Variants in ADORA1 observed in about 807,000 individuals in gnomAD.
ADORA1 encodes adenosine receptor A1.
In ADORA1, 6 loss-of-function variants were observed where a neutral mutation model predicts 19.9. The observed-to-expected ratio is 0.30, with a 90% CI of 0.17 to 0.59. The LOEUF is 0.59. Ranked by LOEUF, ADORA1 falls within the 20% of genes least tolerant of loss-of-function variation. The pLI is 0.87. For missense variants in ADORA1, 302 were observed against 439.2 expected (o/e 0.69, Z 2.79); for synonymous variants, 194 against 188.4 (o/e 1.03, Z -0.24).
chr1:203,148,562 G>A (rs1654933163), intron 3 of ADORA1, among the ~76,000 whole-genome samples: 1 of 152,204 alleles, frequency 6.6e-6, no homozygotes, highest in Non-Finnish European at 1.5e-5. Flanking sequence ...TTGTCACCCT[G>A]AGCCTTGGCC....
At chr1:203,146,539 G>A (rs1320595095) in intron 3 of ADORA1, among the ~76,000 whole-genome samples, 1 of 151,866 alleles carries the variant, frequency 6.6e-6, no homozygotes, top group African/African-American at 2.4e-5. Flanking sequence ...TGAGGCAGGA[G>A]GATCGCCTGA....
Position 203,129,164 on chromosome 1 carries a change from G to C in ADORA1, c.323G>C (p.Arg108Pro). ...LLAIAVDRYL[R>P]VKIPLRYKMV... The stretch of plus-strand genomic sequence containing the variant: ...GCAATTGCTGTGGACCGCTACCTCC[G>C]GGTCAAGATCCCTCTCCGGTGAGTC... The change falls in exon 3 of 4, where the codon CGG becomes CCG. Residue 108 changes from arginine to proline, a missense_variant. Coordinates refer to ENST00000337894, the MANE Select transcript of ADORA1 (RefSeq NM_000674.3). 6.2e-7 allele frequency: 1 copy of C among 1,612,016 alleles called. No homozygotes were observed. Among genetic ancestry groups the C allele is most frequent in the Non-Finnish European group, 8.5e-7 (1 of 1,178,842 alleles).
intron 3 of ADORA1, among the ~76,000 whole-genome samples, chr1:203,156,849 T>G (rs1055633069): frequency 6.6e-6 from 1 of 152,212 alleles, no homozygotes; most frequent in African/African-American, 2.4e-5. Context: ...GGAGCTGAAC[T>G]CATCCTTCAG....
intron 3 of ADORA1, among the ~76,000 whole-genome samples, chr1:203,162,073 G>A (rs192918364): frequency 1.3e-3 from 194 of 152,318 alleles, no homozygotes; most frequent in African/African-American, 4.3e-3. Context: ...ATTCCCAAGA[G>A]TCAGAGGCAC....
At chr1:203,155,016 T>TTTTTTATTATTATTATTA (rs372591619) in intron 3 of ADORA1, among the ~76,000 whole-genome samples, 1 of 142,360 alleles carries the variant, frequency 7.0e-6, no homozygotes, top group Non-Finnish European at 1.5e-5. Flanking sequence ...GCTCTTCCTA[T>TTTTTTATTATTATTATTA]TTATTATTAT....
intron 3 of ADORA1, chr1:203,149,876 T>TC (rs1654977223): frequency 6.6e-6 from 1 of 152,234 alleles, no homozygotes; most frequent in Admixed American, 6.5e-5. Flanking sequence ...TGTTTTCTTT[T>TC]TTTTTTGCTT....
In ADORA1 at chr1:203,165,972, A is replaced by G; in HGVS notation, c.*72A>G. On this transcript the variant is annotated 3_prime_UTR_variant, in exon 4 of 4. Coordinates refer to ENST00000337894, the MANE Select transcript of ADORA1 (RefSeq NM_000674.3). This position sits in a 1 kb window ranked among gnomAD's most constrained non-coding sequence, Gnocchi z 5.9. ...CCAGTCCTCACATGCCCGCTGTCCCAGGGGTCTCCCTGAGCCTGCCCCAGC... is the reference window on the plus strand; with the variant it reads ...CCAGTCCTCACATGCCCGCTGTCCCGGGGGTCTCCCTGAGCCTGCCCCAGC... 1.3e-6 allele frequency: 2 copies of G among 1,491,302 alleles called. No individual in the cohort carries two copies. Among genetic ancestry groups the G allele is most frequent in the East Asian group, 4.6e-5 (2 of 43,422 alleles). The allele number at this position is 1,491,302 out of a possible 1,614,324, so 92.4% of individuals were successfully genotyped here.
At chr1:203,142,144 A>G (rs1654715431) in intron 3 of ADORA1, among the ~76,000 whole-genome samples, 1 of 152,210 alleles carries the variant, frequency 6.6e-6, no homozygotes, top group African/African-American at 2.4e-5. Context: ...GAGATAGTGT[A>G]CGTTCAAGGG....
intron 3 of ADORA1, among the ~76,000 whole-genome samples, chr1:203,134,501 A>C (rs923980851): frequency 2.0e-5 from 3 of 152,166 alleles, no homozygotes; most frequent in African/African-American, 4.8e-5. Context: ...TTCAAGTGTG[A>C]AAGCTTCCCC....
At position 203,128,361 on chromosome 1, in the gene ADORA1, G is replaced by A. The variant is rs1435587132; in HGVS notation, c.-129G>A. On this transcript the variant is annotated 5_prime_UTR_variant, in exon 2 of 4. Coordinates refer to ENST00000337894, the MANE Select transcript of ADORA1 (RefSeq NM_000674.3). The surrounding 1 kb of genome is among the most constrained non-coding windows in gnomAD (Gnocchi z 5.9). The stretch of plus-strand genomic sequence containing the variant: ...AGAGCCCAGCCCAGCCCTACCGCGC[G>A]CGGCCCGGAGCTCTGTTCCCTGGAA... 1 of 1,289,932 alleles carries A rather than the reference G, an allele frequency of 7.8e-7. No individual in the cohort carries two copies. Among genetic ancestry groups the A allele is most frequent in the Non-Finnish European group, 1.0e-6 (1 of 989,236 alleles). The allele number at this position is 1,289,932 out of a possible 1,614,324, so 79.9% of individuals were successfully genotyped here.
intron 3 of ADORA1, among the ~76,000 whole-genome samples, chr1:203,160,488 G>A (rs1355760292): frequency 3.9e-5 from 6 of 152,276 alleles, no homozygotes; most frequent in East Asian, 1.9e-4. Context: ...ATAGGGTTGC[G>A]CTGAAGTATC....
intron 3 of ADORA1, among the ~76,000 whole-genome samples, chr1:203,132,954 A>G (rs1367077419): frequency 6.6e-6 from 1 of 152,120 alleles, no homozygotes; most frequent in Non-Finnish European, 1.5e-5. Context: ...GACTCCTGCC[A>G]GTGCTGTGTT....
intron 3 of ADORA1, among the ~76,000 whole-genome samples, chr1:203,134,762 GTT>G (rs1654453258): frequency 6.6e-6 from 1 of 152,046 alleles, no homozygotes; most frequent in Non-Finnish European, 1.5e-5. Flanking sequence ...GAGAACTACC[GTT>G]AACATTTTGG....
chr1:203,144,380 T>C (rs1479973253), intron 3 of ADORA1, among the ~76,000 whole-genome samples: 1 of 152,170 alleles, frequency 6.6e-6, no homozygotes, highest in Non-Finnish European at 1.5e-5. Flanking sequence ...ATGGTAATAG[T>C]AGTGACGCTT....
At chr1:203,138,881 T>C (rs1357115461) in intron 3 of ADORA1, among the ~76,000 whole-genome samples, 1 of 152,130 alleles carries the variant, frequency 6.6e-6, no homozygotes, top group Non-Finnish European at 1.5e-5. Flanking sequence ...TGTAGTGGCA[T>C]GATCTCGGCT....
At chr1:203,149,450 T>C (rs1654963270) in intron 3 of ADORA1, among the ~76,000 whole-genome samples, 1 of 152,180 alleles carries the variant, frequency 6.6e-6, no homozygotes, top group African/African-American at 2.4e-5. Context: ...TGCTCTGTTT[T>C]ACCCGTGCAA....
Position 203,165,689 on chromosome 1 carries a change from C to G in ADORA1, c.770C>G (p.Thr257Ser). 1 of 1,610,840 alleles carries G rather than the reference C, an allele frequency of 6.2e-7. No individual in the cohort carries two copies. Among genetic ancestry groups the G allele is most frequent in the Non-Finnish European group, 8.5e-7 (1 of 1,177,994 alleles). The change falls in exon 4 of 4, where the codon ACC (threonine) becomes AGC (serine). Residue 257 changes from threonine (T) to serine (S), a missense_variant. Physicochemically the swap from Thr to Ser is moderately conservative, Grantham distance 58 (BLOSUM62 1). Transcript: ENST00000337894. This position sits in a 1 kb window ranked among gnomAD's most constrained non-coding sequence, Gnocchi z 5.9. ...CCTTTGCACATCCTCAACTGCATCA[C>G]CCTCTTCTGCCCGTCCTGCCACAAG... The part of the protein sequence containing the change: ...WLPLHILNCI[T>S]LFCPSCHKPS...
intron 3 of ADORA1, among the ~76,000 whole-genome samples, chr1:203,145,717 A>G (rs1233567145): frequency 6.6e-6 from 1 of 152,204 alleles, no homozygotes; most frequent in Non-Finnish European, 1.5e-5. Context: ...GACTGTGGGG[A>G]GAACCAATGT....
intron 3 of ADORA1, among the ~76,000 whole-genome samples, chr1:203,138,061 C>T (rs1187706638): frequency 6.6e-6 from 1 of 152,004 alleles, no homozygotes; most frequent in Non-Finnish European, 1.5e-5. Context: ...AAAAAAGAGC[C>T]AAAGAATTTG....
Sources: gnomAD v4.1 joint callset for allele counts (sites outside exome capture counted in the v4.1 genomes callset) on GRCh38, gnomAD v4.1.1 for gene constraint, Gnocchi (gnomAD v3.1) non-coding constraint, MANE v1.5 for transcripts, NCBI Gene and HGNC (gene_info 2026-07-23, HGNC 2026-07-21) for gene names.